EEF1AKMT1: variants seen among roughly 807,000 people sequenced by gnomAD.
The protein encoded by EEF1AKMT1 is EEF1A lysine methyltransferase 1.
EEF1AKMT1 carries 18 observed loss-of-function variants against 21.0 expected under a neutral mutation model. The observed-to-expected ratio is 0.86, with a 90% CI of 0.59 to 1.27. The LOEUF is 1.27. Ranked by LOEUF, EEF1AKMT1 falls within the 50% of genes most tolerant of loss-of-function variation. The pLI, the probability that EEF1AKMT1 is intolerant of heterozygous loss-of-function variation, is 0.00. For missense variants in EEF1AKMT1, 246 were observed against 258.6 expected (o/e 0.95, Z 0.33); for synonymous variants, 109 against 94.8 (o/e 1.15, Z -0.87).
chr13:20,770,179 C>CATT (rs911313893), intron 1 of EEF1AKMT1, among the ~76,000 whole-genome samples: 1 of 151,610 alleles, frequency 6.6e-6, no homozygotes, highest in African/African-American at 2.4e-5. Context: ...ACCTTCAGGA[C>CATT]ATTATGCTAC....
intron 1 of EEF1AKMT1, among the ~76,000 whole-genome samples, chr13:20,764,999 C>T (rs1026192365): frequency 4.6e-5 from 7 of 151,792 alleles, no homozygotes; most frequent in Admixed American, 1.3e-4. Context: ...CAGTGGCTCA[C>T]GCCTGTTATC....
intron 1 of EEF1AKMT1, among the ~76,000 whole-genome samples, chr13:20,767,259 T>A (rs1434538038): frequency 2.9e-5 from 4 of 139,098 alleles, no homozygotes; most frequent in Admixed American, 8.2e-5. Flanking sequence ...CGAGCCTAGA[T>A]CTTGCCACTG....
chr13:20,739,349 T>C, intron 2 of EEF1AKMT1, among the ~76,000 whole-genome samples: 1 of 152,080 alleles, frequency 6.6e-6, no homozygotes, highest in East Asian at 1.9e-4. Context: ...CCCAAGAGGG[T>C]TGCCGCCGCT....
At chr13:20,770,551 T>C (rs1432489080) in intron 1 of EEF1AKMT1, among the ~76,000 whole-genome samples, 1 of 151,906 alleles carries the variant, frequency 6.6e-6, no homozygotes, top group Non-Finnish European at 1.5e-5. Context: ...GGCCGGAAAA[T>C]TTCCAAGTAA....
chr13:20,752,791 T>C (rs2058949616), intron 2 of EEF1AKMT1, among the ~76,000 whole-genome samples: 1 of 152,058 alleles, frequency 6.6e-6, no homozygotes, highest in African/African-American at 2.4e-5. Flanking sequence ...TCAGTTGTAA[T>C]GTCCCCTTTA....
chr13:20,771,228 T>G (rs1190155242), intron 1 of EEF1AKMT1, among the ~76,000 whole-genome samples: 4 of 152,294 alleles, frequency 2.6e-5, no homozygotes, highest in African/African-American at 9.6e-5. Flanking sequence ...GGCTTTTAAA[T>G]AACAGCCTGT....
chr13:20,746,605 G>A (rs2772172), intron 2 of EEF1AKMT1, among the ~76,000 whole-genome samples: 124,182 of 152,156 alleles, frequency 0.82, 51,050 homozygotes, highest in East Asian at 1. Context: ...ATCATGCACC[G>A]TAAGTGGTAA....
At chr13:20,773,768 A>C (rs2059075391) in intron 1 of EEF1AKMT1, 153 bp downstream of exon 1, 1 of 152,928 alleles carries the variant, frequency 6.5e-6, no homozygotes, top group Non-Finnish European at 1.5e-5. Context: ...TCCTTCCCTC[A>C]GGAATCCGCC....
Position 20,765,417 on chromosome 13 carries a change from T to TTTTG in EEF1AKMT1, c.-19-7801_-19-7800insCAAA, listed in dbSNP as rs1156426881. The stretch of plus-strand genomic sequence containing the variant: ...TTTCTTCCCTTGGGTTTTTTTTTTT[T>TTTTG]TTTTTTTTTTTTTGAGATAGAGTTT... On this transcript the variant is annotated intron_variant, in intron 1 of 4. Coordinates refer to ENST00000382758, the MANE Select transcript of EEF1AKMT1 (RefSeq NM_001318939.2). Among the ~76,000 whole-genome samples the TTTTG allele has an allele frequency of 2.3e-5, 3 of 127,770 alleles. No individual in the cohort carries two copies. In the East Asian group the frequency reaches 7.4e-4, roughly 31 times the overall value. The allele number at this position is 127,770 out of a possible 152,430, so 83.8% of individuals were successfully genotyped here. A position where few individuals can be genotyped will look rare whatever the true frequency, so the allele number is the denominator to read the frequency against.
At chr13:20,761,345 G>T (rs983565853) in intron 1 of EEF1AKMT1, among the ~76,000 whole-genome samples, 1 of 152,112 alleles carries the variant, frequency 6.6e-6, no homozygotes, top group African/African-American at 2.4e-5. Flanking sequence ...TATAACTTGA[G>T]ATTGTCATTT....
intron 1 of EEF1AKMT1, among the ~76,000 whole-genome samples, chr13:20,762,947 C>T (rs1475827943): frequency 6.6e-6 from 1 of 152,194 alleles, no homozygotes; most frequent in South Asian, 2.1e-4. Flanking sequence ...TCTTTAACCT[C>T]ATGATATAAA....
intron 1 of EEF1AKMT1, among the ~76,000 whole-genome samples, chr13:20,765,107 A>G (rs1210473315): frequency 6.6e-6 from 1 of 151,864 alleles, no homozygotes. Context: ...TAAAAATACA[A>G]AAAACTAGCC....
At chr13:20,761,080 C>T (rs2058999257) in intron 1 of EEF1AKMT1, among the ~76,000 whole-genome samples, 2 of 152,168 alleles carry the variant, frequency 1.3e-5, no homozygotes, top group Non-Finnish European at 2.9e-5. Context: ...TCGTGCAGTT[C>T]ACCAGTTTTA....
chr13:20,745,163 G>A (rs1359561904), intron 2 of EEF1AKMT1, among the ~76,000 whole-genome samples: 4 of 152,062 alleles, frequency 2.6e-5, no homozygotes, highest in Non-Finnish European at 5.9e-5. Flanking sequence ...TTGGCTATAC[G>A]GGCTCTTTTT....
chr13:20,739,666 T>G (rs1467010653), intron 2 of EEF1AKMT1, among the ~76,000 whole-genome samples: 1 of 152,082 alleles, frequency 6.6e-6, no homozygotes, highest in Admixed American at 6.5e-5. Flanking sequence ...AGGCACAGAG[T>G]GCTGATTGGT....
intron 2 of EEF1AKMT1, among the ~76,000 whole-genome samples, chr13:20,754,136 T>C (rs1197253735): frequency 6.6e-6 from 1 of 152,188 alleles, no homozygotes; most frequent in Non-Finnish European, 1.5e-5. Context: ...TAGGACTCCT[T>C]TAAGTATTTC....
chr13:20,738,044 G>A (rs1432212282), intron 2 of EEF1AKMT1, among the ~76,000 whole-genome samples: 2 of 152,040 alleles, frequency 1.3e-5, no homozygotes, highest in East Asian at 1.9e-4. Flanking sequence ...GAGTATCAAC[G>A]GCTATTACCA....
chr13:20,762,189 T>C (rs2141435468), intron 1 of EEF1AKMT1, among the ~76,000 whole-genome samples: 1 of 151,262 alleles, frequency 6.6e-6, no homozygotes, highest in African/African-American at 2.4e-5. Context: ...TTTTTTTTTT[T>C]TTTTTTAATT....
intron 4 of EEF1AKMT1, among the ~76,000 whole-genome samples, chr13:20,731,284 A>T (rs2818986): frequency 6.6e-6 from 1 of 152,036 alleles, no homozygotes; most frequent in Non-Finnish European, 1.5e-5. Context: ...GATTTACTCT[A>T]TTGAATTTTA....
Sources: allele counts gnomAD v4.1 joint callset (sites outside exome capture counted in the v4.1 genomes callset), GRCh38; gene constraint gnomAD v4.1.1; transcripts MANE v1.5; gene names NCBI Gene and HGNC (gene_info 2026-07-23, HGNC 2026-07-21).